The following PREX1 variants were observed in gnomAD, a reference collection of about 807,000 sequenced individuals.
PREX1 encodes phosphatidylinositol-3,4,5-trisphosphate dependent Rac exchange factor 1.
A neutral mutation model predicts 198.3 loss-of-function variants in PREX1; 41 were observed. The ratio of observed to expected loss-of-function variants is 0.21; its 90% CI spans 0.16 to 0.27. The LOEUF (loss-of-function observed/expected upper bound fraction) is 0.27, where lower values mean the gene tolerates loss of function less well. Ranked by LOEUF, PREX1 falls within the 10% of genes least tolerant of loss-of-function variation. The pLI is 1.00. For missense variants in PREX1, 1,620 were observed against 2,200.7 expected (o/e 0.74, Z 5.28); for synonymous variants, 843 against 887.2 (o/e 0.95, Z 0.89).
chr20:48,632,244 C>T (rs1159185510), intron 35 of PREX1, 33 bp downstream of exon 35: 2 of 1,605,404 alleles, frequency 1.2e-6, no homozygotes, highest in Non-Finnish European at 1.7e-6. Flanking sequence ...GGTTTCCTGA[C>T]TCCTGCCCCC....
At chr20:48,821,644 TA>T (rs11476515) in intron 1 of PREX1, 96 of 152,330 alleles carry the variant, frequency 6.3e-4, no homozygotes, top group African/African-American at 2.1e-3. Flanking sequence ...TTCAAACACT[TA>T]AACTCTTGCA....
intron 14 of PREX1, among the ~76,000 whole-genome samples, chr20:48,671,535 G>A (rs2089675325): frequency 6.6e-6 from 1 of 152,202 alleles, no homozygotes; most frequent in Non-Finnish European, 1.5e-5. Context: ...TGATCCAGCA[G>A]GGATTTAATC....
chr20:48,624,362 C>T lies in PREX1; in HGVS notation c.*1523G>A, dbSNP rs2664526. ...GTGCACAATGCGCTGGCCCTGGGCC[C>T]TCCCCCATTTCCCGCAGCAGGGCTA... is the stretch of plus-strand genomic sequence containing the variant. On this transcript the variant is annotated 3_prime_UTR_variant, in exon 40 of 40. Coordinates refer to ENST00000371941, the MANE Select transcript of PREX1 (RefSeq NM_020820.4). 6.5e-6 allele frequency: 1 copy of T among 152,698 alleles called. No homozygotes were observed. Among genetic ancestry groups the T allele is most frequent in the Non-Finnish European group, 1.5e-5 (1 of 68,054 alleles). 9.5% of individuals were successfully genotyped at this position (152,698 alleles called of 1,614,324 possible). A position where few individuals can be genotyped will look rare whatever the true frequency, so the allele number is the denominator to read the frequency against.
intron 4 of PREX1, among the ~76,000 whole-genome samples, chr20:48,733,705 C>CTGTTGCTGTTGTTGTTGT (rs1555839221): frequency 6.6e-6 from 1 of 151,086 alleles, no homozygotes; most frequent in African/African-American, 2.4e-5. Context: ...GTTGTTGTTG[C>CTGTTGCTGTTGTTGTTGT]TGTTGTTGTT....
intron 1 of PREX1, among the ~76,000 whole-genome samples, chr20:48,751,238 G>GT (rs2090132831): frequency 6.6e-6 from 1 of 152,184 alleles, no homozygotes; most frequent in Non-Finnish European, 1.5e-5. Context: ...CCTAGAGGAT[G>GT]TTTTAACAGG....
At chr20:48,720,481 A>C (rs1440071889) in intron 5 of PREX1, among the ~76,000 whole-genome samples, 2 of 152,004 alleles carry the variant, frequency 1.3e-5, no homozygotes, top group Non-Finnish European at 2.9e-5. Context: ...AAAACCCTAA[A>C]CACTGCAGCA....
chr20:48,712,552 C>A (rs922053516), intron 5 of PREX1, among the ~76,000 whole-genome samples: 1 of 152,208 alleles, frequency 6.6e-6, no homozygotes, highest in South Asian at 2.1e-4. Context: ...GCTGCCAACA[C>A]CCAGTAGTTA....
At chr20:48,764,974 C>G (rs1394607994) in intron 1 of PREX1, among the ~76,000 whole-genome samples, 1 of 152,040 alleles carries the variant, frequency 6.6e-6, no homozygotes, top group African/African-American at 2.4e-5. Context: ...CCCAGGAGCA[C>G]AGCCCTGCTG....
Position 48,690,906 on chromosome 20 carries a change from G to T in PREX1, c.1186+41C>A, listed in dbSNP as rs369529060. ...CCCCACTCAGAAGAAGCCACGCATA[G>T]CTCAGGGATCCCAGGCGAGCACCCC... On this transcript the variant is annotated intron_variant, in intron 9 of 39. Transcript: ENST00000371941. The T allele has an allele frequency of 3.7e-6, 6 of 1,611,590 alleles. No homozygotes were observed. The African/African-American group carries it at 5.3e-5, about 14-fold the overall frequency.
At chr20:48,690,867 T>G (rs2089815357) in intron 9 of PREX1, 80 bp downstream of exon 9, 1 of 1,588,122 alleles carries the variant, frequency 6.3e-7, no homozygotes, top group East Asian at 2.2e-5. Flanking sequence ...CTATGCCCCT[T>G]CCCTAGACAC....
At chr20:48,638,069 C>T (rs150445406) in intron 30 of PREX1, among the ~76,000 whole-genome samples, 154 of 152,294 alleles carry the variant, frequency 1.0e-3, no homozygotes, top group African/African-American at 3.5e-3. Context: ...TATGGTCACA[C>T]ACACGTACAA....
At chr20:48,828,231 G>T (rs2090521009), upstream of PREX1, among the ~76,000 whole-genome samples, 1 of 151,342 alleles carries the variant, frequency 6.6e-6, no homozygotes, top group Non-Finnish European at 1.5e-5. Context: ...GGTCGGGCGG[G>T]AGCCTCCGGA....
intron 27 of PREX1, among the ~76,000 whole-genome samples, chr20:48,643,667 T>C (rs1419187713): frequency 6.6e-6 from 1 of 151,768 alleles, no homozygotes; most frequent in Non-Finnish European, 1.5e-5. Context: ...CTTCTTTTTG[T>C]TGTTTGTTTG....
At chr20:48,688,875 G>T in intron 9 of PREX1, 71 bp from the exon 10 acceptor site, 1 of 1,584,846 alleles carries the variant, frequency 6.3e-7, no homozygotes, top group South Asian at 1.1e-5. Flanking sequence ...GGAGACAAGG[G>T]GCAGGCCCAC....
chr20:48,790,777 C>A (rs1030035847), intron 1 of PREX1, among the ~76,000 whole-genome samples: 5 of 152,194 alleles, frequency 3.3e-5, no homozygotes, highest in African/African-American at 1.2e-4. Flanking sequence ...AGCACCTTTC[C>A]CCACAGCCAC....
At chr20:48,857,864 T>C in the PREX1 span, among the ~76,000 whole-genome samples, 2 of 152,188 alleles carry the variant, frequency 1.3e-5, no homozygotes, top group African/African-American at 2.4e-5. Flanking sequence ...GCTGGTCCTG[T>C]AGCTTGAGCA....
chr20:48,639,386 A>T (rs2089390882), intron 30 of PREX1, among the ~76,000 whole-genome samples: 1 of 152,236 alleles, frequency 6.6e-6, no homozygotes, highest in African/African-American at 2.4e-5. Flanking sequence ...GAATCTGGTC[A>T]GTGGGCTGCC....
intron 5 of PREX1, among the ~76,000 whole-genome samples, chr20:48,714,744 A>C (rs938258894): frequency 1.5e-4 from 23 of 152,214 alleles, no homozygotes; most frequent in African/African-American, 5.5e-4. Flanking sequence ...GAAGCCATCT[A>C]TCCATGGCTT....
At chr20:48,769,488 T>C (rs1450152989) in intron 1 of PREX1, among the ~76,000 whole-genome samples, 1 of 152,178 alleles carries the variant, frequency 6.6e-6, no homozygotes, top group Non-Finnish European at 1.5e-5. Context: ...AGCCCTTGCA[T>C]GTTGCCTTTC....
Sources: allele counts gnomAD v4.1 joint callset (sites outside exome capture counted in the v4.1 genomes callset), GRCh38; gene constraint gnomAD v4.1.1; transcripts MANE v1.5; gene names NCBI Gene and HGNC (gene_info 2026-07-23, HGNC 2026-07-21).